The following DLG5 variants were observed in gnomAD, a reference collection of about 807,000 sequenced individuals.
The protein encoded by DLG5 is disks large homolog 5.
Under a neutral mutation model 189.8 loss-of-function variants are expected in DLG5, and 48 were observed. The ratio of observed to expected loss-of-function variants is 0.25; its 90% CI spans 0.20 to 0.32. The LOEUF (loss-of-function observed/expected upper bound fraction) is 0.32, where lower values mean the gene tolerates loss of function less well. Ranked by LOEUF, DLG5 falls within the 10% of genes least tolerant of loss-of-function variation. DLG5 has a pLI of 1.00. For synonymous variants in DLG5, 1,016 were observed against 1,054.1 expected (o/e 0.96, Z 0.70); for missense variants, 2,160 against 2,544.7 (o/e 0.85, Z 3.25).
chr10:77,859,743 CTG>C (rs1844399088), intron 2 of DLG5, among the ~76,000 whole-genome samples: 1 of 152,240 alleles, frequency 6.6e-6, no homozygotes, highest in South Asian at 2.1e-4. Context: ...GCAACACAGA[CTG>C]TGTTTAAAAG....
intron 26 of DLG5, chr10:77,806,085 G>T (rs1333214797): frequency 6.1e-6 from 3 of 490,206 alleles, no homozygotes; most frequent in Non-Finnish European, 7.2e-6. Context: ...CAGAGCAGGC[G>T]ATTTTTTCTA....
At chr10:77,854,399 A>T in intron 3 of DLG5, 29 bp from the exon 4 acceptor site, 2 of 1,612,386 alleles carry the variant, frequency 1.2e-6, no homozygotes, top group Non-Finnish European at 1.7e-6. Context: ...GGCCCCATGA[A>T]CACAGGCCCC....
chr10:77,883,698 T>TA (rs1284589420), intron 1 of DLG5, among the ~76,000 whole-genome samples: 2 of 138,672 alleles, frequency 1.4e-5, no homozygotes, highest in South Asian at 2.3e-4. Context: ...GTTCTTTTTT[T>TA]TTTTTTTTTT....
rs376548467 is a variant in DLG5 at position 77,809,602 on chromosome 10, T to A, written c.4592A>T (p.Asp1531Val). Residue 1531 changes from aspartate (D) to valine (V), a missense_variant, in exon 24 of 32, where the codon GAT (aspartate) becomes GTT (valine). Around this residue, in one of 5 missense-constraint regions of DLG5, gnomAD observed 574 missense variants for 644.2 expected, o/e 0.89. Coordinates refer to ENST00000372391, the MANE Select transcript of DLG5 (RefSeq NM_004747.4). ...LHGVFVAEVE[D>V]DSPAKGPDGL... ...GTCAGGACCCTTGGCAGGACTGTCA[T>A]CCTCCACCTCGGCCACAAACACCCC... 5 of 1,614,110 alleles carry A rather than the reference T, an allele frequency of 3.1e-6. No individual in the cohort carries two copies. Among genetic ancestry groups the A allele is most frequent in the Non-Finnish European group, 4.2e-6 (5 of 1,180,018 alleles).
At chr10:77,841,818 C>T in intron 7 of DLG5, 63 bp downstream of exon 7, 1 of 1,550,666 alleles carries the variant, frequency 6.4e-7, no homozygotes. Context: ...ACGCACTCTG[C>T]AGCCCCTCTT....
intron 24 of DLG5, among the ~76,000 whole-genome samples, chr10:77,808,711 G>C (rs535878675): frequency 1.3e-5 from 2 of 152,292 alleles, no homozygotes; most frequent in East Asian, 3.9e-4. Context: ...CTGAGCCAAG[G>C]CTCTGCCCTC....
At chr10:77,898,879 C>T (rs1845842309) in intron 1 of DLG5, among the ~76,000 whole-genome samples, 1 of 152,196 alleles carries the variant, frequency 6.6e-6, no homozygotes, top group South Asian at 2.1e-4. Flanking sequence ...CACGCCGGGA[C>T]GGGGCAGCAA....
chr10:77,834,203 G>C (rs1843013545), intron 8 of DLG5, among the ~76,000 whole-genome samples, 164 bp from the exon 9 acceptor site: 1 of 152,080 alleles, frequency 6.6e-6, no homozygotes, highest in Admixed American at 6.5e-5. Context: ...GACCACCTAG[G>C]CCAGCCCCAG....
chr10:77,901,555 C>A (rs1845927521), intron 1 of DLG5, among the ~76,000 whole-genome samples: 2 of 152,358 alleles, frequency 1.3e-5, no homozygotes, highest in South Asian at 4.1e-4. Context: ...AGAAAGGCAG[C>A]ATCCGTGACT....
chr10:77,898,871 C>T (rs1464123499), intron 1 of DLG5, among the ~76,000 whole-genome samples: 1 of 152,218 alleles, frequency 6.6e-6, no homozygotes, highest in Non-Finnish European at 1.5e-5. Context: ...AAGTCACCCA[C>T]GCCGGGACGG....
intron 9 of DLG5, among the ~76,000 whole-genome samples, chr10:77,831,792 A>G (rs1380839414): frequency 1.3e-5 from 2 of 152,288 alleles, no homozygotes; most frequent in African/African-American, 2.4e-5. Flanking sequence ...AACGCCAACT[A>G]TATCACAAAT....
the DLG5 span, among the ~76,000 whole-genome samples, chr10:77,935,691 A>G: frequency 6.6e-6 from 1 of 152,338 alleles, no homozygotes; most frequent in African/African-American, 2.4e-5. Context: ...ATGCACTCAC[A>G]TTGACAAGAG....
intron 1 of DLG5, 34 bp from the exon 2 acceptor site, chr10:77,869,231 C>G: frequency 6.2e-7 from 1 of 1,601,996 alleles, no homozygotes. Flanking sequence ...TTACTAACCC[C>G]AAGGGGTCAC....
chr10:77,877,820 C>G (rs553609608), intron 1 of DLG5, among the ~76,000 whole-genome samples: 1 of 152,298 alleles, frequency 6.6e-6, no homozygotes, highest in East Asian at 1.9e-4. Context: ...CATAGCCAAG[C>G]CTGACAGCAC....
chr10:77,843,869 C>T (rs1843553385), intron 5 of DLG5, among the ~76,000 whole-genome samples, 163 bp from the exon 6 acceptor site: 1 of 152,080 alleles, frequency 6.6e-6, no homozygotes, highest in Non-Finnish European at 1.5e-5. Flanking sequence ...ATTCTCCAGG[C>T]CCTGCAGTCA....
intron 1 of DLG5, among the ~76,000 whole-genome samples, chr10:77,881,101 T>C (rs1432813931): frequency 6.6e-6 from 1 of 151,354 alleles, no homozygotes; most frequent in Non-Finnish European, 1.5e-5. Flanking sequence ...GCCTCCTGAG[T>C]AGCTGGGGTT....
At chr10:77,919,028 C>T (rs563520192) in intron 1 of DLG5, among the ~76,000 whole-genome samples, 33 of 152,130 alleles carry the variant, frequency 2.2e-4, no homozygotes, top group Middle Eastern at 3.4e-3. Flanking sequence ...CCAGCCTGGC[C>T]AAGATGGCAA....
chr10:77,833,474 G>A (rs1050363112), intron 9 of DLG5, among the ~76,000 whole-genome samples: 1 of 152,332 alleles, frequency 6.6e-6, no homozygotes, highest in South Asian at 2.1e-4. Flanking sequence ...TGGTATGCTT[G>A]TCAGTGCCAT....
rs55688664 is a variant in DLG5 at position 77,891,573 on chromosome 10, G to GACACACACACACAC, written c.305-22390_305-22377dup. 5.1e-4 allele frequency among the ~76,000 whole-genome samples: 71 copies of GACACACACACACAC among 140,578 alleles called. 1 individual carries two copies. The highest frequency in any genetic ancestry group is 1.7e-3 in the South Asian group (7 of 4,188). The allele number at this position is 140,578 out of a possible 152,430, so 92.2% of individuals were successfully genotyped here. On this transcript the variant is annotated intron_variant, in intron 1 of 31. Transcript: ENST00000372391. Reference sequence around the variant, plus strand: ...GTGAGCTCACCTCTGTCCCCCAACAGACACACACACACACACACACACACA... The same window carrying GACACACACACACAC: ...GTGAGCTCACCTCTGTCCCCCAACAGACACACACACACACACACACACACACACACACACACACA...
Sources: allele counts gnomAD v4.1 joint callset (sites outside exome capture counted in the v4.1 genomes callset), GRCh38; gene constraint gnomAD v4.1.1; regional missense constraint gnomAD v4.1.1; transcripts MANE v1.5; gene names NCBI Gene and HGNC (gene_info 2026-07-23, HGNC 2026-07-21).